Variants in UGGT2 observed in about 807,000 individuals in gnomAD.
UGGT2 encodes UDP-glucose:glycoprotein glucosyltransferase 2.
A neutral mutation model predicts 192.1 loss-of-function variants in UGGT2; 180 were observed. That is an observed-to-expected ratio of 0.94 (90% CI 0.83 to 1.06). The LOEUF is 1.06. Ranked by LOEUF, UGGT2 falls within the 50% of genes least tolerant of loss-of-function variation. The pLI, the probability that UGGT2 is intolerant of heterozygous loss-of-function variation, is 0.00. For synonymous variants in UGGT2, 580 were observed against 591.0 expected (o/e 0.98, Z 0.27); for missense variants, 1,849 against 1,795.7 (o/e 1.03, Z -0.54).
At chr13:96,028,816 T>C (rs964394250) in intron 2 of UGGT2, among the ~76,000 whole-genome samples, 5 of 152,146 alleles carry the variant, frequency 3.3e-5, no homozygotes, top group Non-Finnish European at 7.4e-5. Flanking sequence ...TATTAAATGT[T>C]TCCTCTAAGA....
At chr13:95,863,019 C>T (rs954728731) in intron 31 of UGGT2, among the ~76,000 whole-genome samples, 1 of 151,978 alleles carries the variant, frequency 6.6e-6, no homozygotes, top group Non-Finnish European at 1.5e-5. Context: ...CATGCCATCA[C>T]AACAGGCTAA....
intron 36 of UGGT2, among the ~76,000 whole-genome samples, chr13:95,851,910 A>G (rs1304770016): frequency 2.0e-5 from 3 of 152,124 alleles, no homozygotes; most frequent in Non-Finnish European, 4.4e-5. Flanking sequence ...TTAAAAATAC[A>G]TTGGTAAAAT....
intron 29 of UGGT2, among the ~76,000 whole-genome samples, chr13:95,872,690 AGTT>A (rs1891324354): frequency 3.3e-5 from 5 of 152,182 alleles, no homozygotes; most frequent in Non-Finnish European, 7.4e-5. Flanking sequence ...TACTGCCAAA[AGTT>A]GTCTGTGAAT....
In UGGT2 at chr13:96,023,145, G is replaced by A. The variant is rs1390077072; in HGVS notation, c.380C>T (p.Ala127Val). The change falls in exon 4 of 39, where the codon GCT becomes GTT. Residue 127 changes from alanine (A) to valine (V), a missense_variant. Transcript: ENST00000376747. ...ACAACCATCTGGTGGTGGCTCATCA[G>A]CTGCAATCTAAGATTTCAAAGATTA... ...PAIQMFQQIAADEPPPDGCNA... is the reference protein window; with the variant it reads ...PAIQMFQQIAVDEPPPDGCNA... 6.4e-7 allele frequency: 1 copy of A among 1,574,134 alleles called. No individual in the cohort carries two copies. Among genetic ancestry groups the A allele is most frequent in the Non-Finnish European group, 8.6e-7 (1 of 1,158,944 alleles).
intron 30 of UGGT2, among the ~76,000 whole-genome samples, chr13:95,863,958 T>C (rs1890404123): frequency 1.3e-5 from 2 of 152,288 alleles, no homozygotes; most frequent in South Asian, 4.1e-4. Context: ...TGCTTACCCT[T>C]GTGTTTACTA....
chr13:95,939,849 T>C (rs1769547658), intron 16 of UGGT2, 108 bp downstream of exon 16: 4 of 913,520 alleles, frequency 4.4e-6, no homozygotes, highest in Non-Finnish European at 6.3e-6. Flanking sequence ...CATTTTACTC[T>C]GTTTCTGTGA....
intron 4 of UGGT2, among the ~76,000 whole-genome samples, chr13:96,016,264 T>C (rs905489653): frequency 1.3e-5 from 2 of 152,142 alleles, no homozygotes; most frequent in African/African-American, 4.8e-5. Flanking sequence ...AGAATCTAAG[T>C]GGGCTATTGG....
At chr13:95,970,445 A>G (rs1448233662) in intron 11 of UGGT2, among the ~76,000 whole-genome samples, 183 bp from the exon 12 acceptor site, 1 of 152,128 alleles carries the variant, frequency 6.6e-6, no homozygotes, top group Admixed American at 6.5e-5. Flanking sequence ...TCCAGAGTAA[A>G]CTTACATAAT....
chr13:95,868,139 G>A (rs1287763256), intron 29 of UGGT2, among the ~76,000 whole-genome samples: 1 of 152,162 alleles, frequency 6.6e-6, no homozygotes, highest in African/African-American at 2.4e-5. Context: ...CTTTTGAGTT[G>A]TTATATATAA....
chr13:95,914,989 T>C (rs1396608782), intron 20 of UGGT2, among the ~76,000 whole-genome samples: 1 of 152,194 alleles, frequency 6.6e-6, no homozygotes, highest in Non-Finnish European at 1.5e-5. Context: ...AATGCTTCTA[T>C]GGGTCAATGA....
chr13:95,992,467 C>G (rs1419095672), intron 7 of UGGT2, among the ~76,000 whole-genome samples: 1 of 152,088 alleles, frequency 6.6e-6, no homozygotes, highest in Non-Finnish European at 1.5e-5. Context: ...ATGGGATTGC[C>G]TGCTTGTTTT....
intron 20 of UGGT2, among the ~76,000 whole-genome samples, chr13:95,907,733 C>T (rs1466531304): frequency 1.3e-5 from 2 of 152,220 alleles, no homozygotes; most frequent in African/African-American, 4.8e-5. Context: ...ACCAAAACCA[C>T]ATCTGTAGGT....
chr13:95,843,564 C>T (rs962987133), intron 36 of UGGT2, among the ~76,000 whole-genome samples: 3 of 152,140 alleles, frequency 2.0e-5, no homozygotes, highest in Non-Finnish European at 4.4e-5. Context: ...CTCAAGATCA[C>T]AGAGATTTTC....
intron 4 of UGGT2, among the ~76,000 whole-genome samples, chr13:96,018,375 G>A (rs1486723929): frequency 6.6e-6 from 1 of 152,068 alleles, no homozygotes; most frequent in Non-Finnish European, 1.5e-5. Flanking sequence ...AATTAGCTGA[G>A]CATGGTGGTT....
intron 1 of UGGT2, among the ~76,000 whole-genome samples, chr13:96,050,676 T>C (rs2053458021): frequency 6.6e-6 from 1 of 152,180 alleles, no homozygotes; most frequent in Non-Finnish European, 1.5e-5. Context: ...GTGAAGGATA[T>C]GAACAGACAC....
At chr13:95,802,720 G>A (rs1441305764) in intron 38 of UGGT2, among the ~76,000 whole-genome samples, 1 of 152,154 alleles carries the variant, frequency 6.6e-6, no homozygotes, top group East Asian at 1.9e-4. Flanking sequence ...GTAAAGGGCC[G>A]TCCGTGGAAA....
At chr13:95,839,606 C>T (rs747354475) in intron 36 of UGGT2, among the ~76,000 whole-genome samples, 2 of 152,114 alleles carry the variant, frequency 1.3e-5, no homozygotes, top group Non-Finnish European at 2.9e-5. Flanking sequence ...AACATTTGTA[C>T]AAATTTTTGT....
intron 9 of UGGT2, among the ~76,000 whole-genome samples, chr13:95,984,526 TC>T (rs1287095857): frequency 1.3e-5 from 2 of 151,992 alleles, no homozygotes; most frequent in Non-Finnish European, 2.9e-5. Flanking sequence ...GATGGAGTCT[TC>T]CTATGTTGCC....
intron 20 of UGGT2, among the ~76,000 whole-genome samples, chr13:95,912,743 A>G (rs1370719828): frequency 2.0e-5 from 3 of 152,196 alleles, no homozygotes; most frequent in Non-Finnish European, 2.9e-5. Context: ...ACTACTTTAA[A>G]GTTCATATGG....
Sources: gnomAD v4.1 joint callset for allele counts (sites outside exome capture counted in the v4.1 genomes callset) on GRCh38, gnomAD v4.1.1 for gene constraint, MANE v1.5 for transcripts, NCBI Gene and HGNC (gene_info 2026-07-23, HGNC 2026-07-21) for gene names.